Variants in INPP5A observed in about 807,000 individuals in gnomAD.
INPP5A encodes inositol polyphosphate-5-phosphatase A, also known as 43 kDa inositol polyphosphate 5-phophatase.
Under a neutral mutation model 65.2 loss-of-function variants are expected in INPP5A, and 14 were observed. The ratio of observed to expected loss-of-function variants is 0.21; its 90% CI spans 0.14 to 0.34. The LOEUF is 0.34. Among genes scored for constraint, INPP5A ranks in the 10% least tolerant of loss-of-function variants. INPP5A has a pLI of 1.00. For missense variants in INPP5A, 431 were observed against 545.6 expected (o/e 0.79, Z 2.09); for synonymous variants, 207 against 208.3 (o/e 0.99, Z 0.05).
Position 132,555,989 on chromosome 10 carries a change from G to A in INPP5A, c.75+17818G>A, listed in dbSNP as rs535270674. Among the ~76,000 whole-genome samples, 2 of 151,950 alleles carry A rather than the reference G, an allele frequency of 1.3e-5. No individual in the cohort carries two copies. The highest frequency in any genetic ancestry group is 2.9e-5 in the Non-Finnish European group (2 of 67,996). Reference sequence around the variant, plus strand: ...GGAGAAAATTCAGTTCCAGACTTGGGTGGAACCTGAGTTGGGGTCTGCCGT... The same window carrying A: ...GGAGAAAATTCAGTTCCAGACTTGGATGGAACCTGAGTTGGGGTCTGCCGT... On this transcript the variant is annotated intron_variant, in intron 1 of 15. Coordinates refer to ENST00000368594, the MANE Select transcript of INPP5A (RefSeq NM_005539.5). The surrounding 1 kb of genome is among the most constrained non-coding windows in gnomAD (Gnocchi z 4.4).
chr10:132,552,185 G>A (rs1480282023), intron 1 of INPP5A, among the ~76,000 whole-genome samples: 12 of 146,656 alleles, frequency 8.2e-5, no homozygotes, highest in South Asian at 2.3e-4. Flanking sequence ...ATTGGTGAAT[G>A]CCTTCTCAGA....
intron 4 of INPP5A, among the ~76,000 whole-genome samples, chr10:132,665,990 G>A (rs2072796251): frequency 6.6e-6 from 1 of 151,738 alleles, no homozygotes; most frequent in Non-Finnish European, 1.5e-5. Context: ...GGGAGGTGGA[G>A]GTAGCAGTGA....
intron 4 of INPP5A, among the ~76,000 whole-genome samples, chr10:132,681,266 G>A (rs1590920874): frequency 6.6e-6 from 1 of 152,202 alleles, no homozygotes; most frequent in Non-Finnish European, 1.5e-5. Context: ...AGCTGCCCGA[G>A]CCAGCAGTGG....
rs533444730 is a variant in INPP5A at position 132,551,814 on chromosome 10, A to G, written c.75+13643A>G. On this transcript the variant is annotated intron_variant, in intron 1 of 15. Coordinates refer to ENST00000368594, the MANE Select transcript of INPP5A (RefSeq NM_005539.5). The surrounding 1 kb of genome is among the most constrained non-coding windows in gnomAD (Gnocchi z 5.3). ...GGCAGGACTGACCAAGACTGTCAGAAGAGCCAGCCGGGGTCTTCTCTGAAT... is the reference window on the plus strand; with the variant it reads ...GGCAGGACTGACCAAGACTGTCAGAGGAGCCAGCCGGGGTCTTCTCTGAAT... 6.6e-6 allele frequency among the ~76,000 whole-genome samples: 1 copy of G among 152,334 alleles called. No homozygotes were observed. The highest frequency in any genetic ancestry group is 1.9e-4 in the East Asian group (1 of 5,178).
At chr10:132,657,989 C>T (rs1035054387) in intron 4 of INPP5A, among the ~76,000 whole-genome samples, 7 of 152,224 alleles carry the variant, frequency 4.6e-5, no homozygotes, top group Non-Finnish European at 1.0e-4. Context: ...TCCCGTGGGA[C>T]GCGATGATGT....
intron 2 of INPP5A, among the ~76,000 whole-genome samples, chr10:132,643,710 G>T (rs2072456722): frequency 6.6e-6 from 1 of 152,136 alleles, no homozygotes; most frequent in Non-Finnish European, 1.5e-5. Context: ...GTGCATTCGA[G>T]GTGCTGTGAC....
intron 1 of INPP5A, among the ~76,000 whole-genome samples, chr10:132,571,419 T>G (rs1340164801): frequency 6.6e-6 from 1 of 152,230 alleles, no homozygotes; most frequent in Non-Finnish European, 1.5e-5. Context: ...GGGAAGGGCT[T>G]CTTTCAGTTC....
At position 132,690,469 on chromosome 10, in the gene INPP5A, C is replaced by T. The variant is rs1446022406; in HGVS notation, c.370+14C>T. On this transcript the variant is annotated intron_variant, in intron 5 of 15. Transcript: ENST00000368594. ...TTGACTTTAAAGGTAAGACTGCGTGCCGTCTTCCGGGATTTTGTCTCGGCA... is the reference window on the plus strand; with the variant it reads ...TTGACTTTAAAGGTAAGACTGCGTGTCGTCTTCCGGGATTTTGTCTCGGCA... 1.2e-6 allele frequency: 2 copies of T among 1,600,632 alleles called. No homozygotes were observed. The highest frequency in any genetic ancestry group is 1.7e-5 in the Admixed American group (1 of 59,984).
chr10:132,774,920 GGA>G (rs1322251281), intron 12 of INPP5A, among the ~76,000 whole-genome samples: 2 of 36,364 alleles, frequency 5.5e-5, no homozygotes, highest in African/African-American at 9.2e-5. Flanking sequence ...GGGGCACGGA[GGA>G]GAGAGGGGTA....
rs1257544808 is a variant in INPP5A at position 132,717,596 on chromosome 10, T to C, written c.647+7140T>C. Among the ~76,000 whole-genome samples, 5 of 151,136 alleles carry C rather than the reference T, an allele frequency of 3.3e-5. 1 individual carries two copies. The highest frequency in any genetic ancestry group is 5.9e-5 in the Non-Finnish European group (4 of 67,988). ...CCTTAGACGGCTGTCTTGTGGGTTC[T>C]GTGGTACCTGGGTTCTTTCTGGGGG... On this transcript the variant is annotated intron_variant, in intron 8 of 15. Coordinates refer to ENST00000368594, the MANE Select transcript of INPP5A (RefSeq NM_005539.5).
Position 132,690,373 on chromosome 10 carries a change from TTC to T in INPP5A, c.307-15_307-14del, listed in dbSNP as rs752430455. The T allele has an allele frequency of 2.6e-6, 4 of 1,534,106 alleles. No homozygotes were observed. In the Admixed American group the frequency reaches 6.8e-5, roughly 26 times the overall value. On this transcript the variant is annotated splice_polypyrimidine_tract_variant and intron_variant, in intron 4 of 15. Transcript: ENST00000368594. ...TCCCAGCACCAGTCTCTCATTTGAT[TTC>T]TCTTTTTGCTCTACAGGCACTAGGA... is the stretch of plus-strand genomic sequence containing the variant.
At chr10:132,690,914 T>C (rs932452432) in intron 5 of INPP5A, among the ~76,000 whole-genome samples, 8 of 152,288 alleles carry the variant, frequency 5.3e-5, no homozygotes, top group South Asian at 2.1e-4. Flanking sequence ...TTCATTTCTT[T>C]GTCGGGGGCA....
At chr10:132,569,408 A>T (rs2071310254) in intron 1 of INPP5A, among the ~76,000 whole-genome samples, 1 of 152,084 alleles carries the variant, frequency 6.6e-6, no homozygotes, top group Non-Finnish European at 1.5e-5. Flanking sequence ...GCTGGAGTGC[A>T]GTGGTGGGAT....
chr10:132,687,576 C>G (rs1024724539), intron 4 of INPP5A, among the ~76,000 whole-genome samples: 1 of 152,354 alleles, frequency 6.6e-6, no homozygotes, highest in East Asian at 1.9e-4. Context: ...GCGTCCCCCT[C>G]GGGTATCCTT....
At position 132,587,158 on chromosome 10, in the gene INPP5A, CAA is replaced by C. The variant is rs551629682; in HGVS notation, c.76-20756_76-20755del. Among the ~76,000 whole-genome samples the C allele has an allele frequency of 4.6e-3, 698 of 152,296 alleles. 6 individuals carry two copies. The highest frequency in any genetic ancestry group is 6.1e-3 in the Non-Finnish European group (414 of 68,024). On this transcript the variant is annotated intron_variant, in intron 1 of 15. Transcript: ENST00000368594. This position sits in a 1 kb window ranked among gnomAD's most constrained non-coding sequence, Gnocchi z 4.3. ...AAATAATACAAACACATTTAAAAAA[CAA>C]GAGAGCCAGTGTGAAAACAGTAGGC... is the stretch of plus-strand genomic sequence containing the variant.
chr10:132,754,523 C>A (rs1368109179), intron 11 of INPP5A, among the ~76,000 whole-genome samples: 1 of 152,264 alleles, frequency 6.6e-6, no homozygotes, highest in African/African-American at 2.4e-5. Flanking sequence ...GGGGCCCTCA[C>A]CCCTCCACCC....
At chr10:132,718,655 T>TG (rs1845793463) in intron 8 of INPP5A, among the ~76,000 whole-genome samples, 1 of 99,252 alleles carries the variant, frequency 1.0e-5, no homozygotes, top group Non-Finnish European at 2.1e-5. Context: ...GCGCCTTAGA[T>TG]GCTGTCTTCA....
In INPP5A at chr10:132,546,541, T is replaced by TC. The variant is rs2070974424; in HGVS notation, c.75+8375dup. Among the ~76,000 whole-genome samples, 1 of 151,868 alleles carries TC rather than the reference T, an allele frequency of 6.6e-6. No homozygotes were observed. The highest frequency in any genetic ancestry group is 1.5e-5 in the Non-Finnish European group (1 of 67,948). On this transcript the variant is annotated intron_variant, in intron 1 of 15. Transcript: ENST00000368594. The surrounding 1 kb of genome is among the most constrained non-coding windows in gnomAD (Gnocchi z 5.7). ...TGGTTGCTGTGTCGGGGGGCCGTGCTCCCCCTTCTCTCTTGGAAGGTGTAA... is the reference window on the plus strand; with the variant it reads ...TGGTTGCTGTGTCGGGGGGCCGTGCTCCCCCCTTCTCTCTTGGAAGGTGTAA...
At chr10:132,602,118 A>C (rs2071783856) in intron 1 of INPP5A, among the ~76,000 whole-genome samples, 1 of 152,198 alleles carries the variant, frequency 6.6e-6, no homozygotes, top group Non-Finnish European at 1.5e-5. Context: ...GGATATCTGA[A>C]TTTCTTTCAG....
Sources: allele counts gnomAD v4.1 joint callset (sites outside exome capture counted in the v4.1 genomes callset), GRCh38; gene constraint gnomAD v4.1.1; non-coding constraint Gnocchi (gnomAD v3.1); transcripts MANE v1.5; gene names NCBI Gene and HGNC (gene_info 2026-07-23, HGNC 2026-07-21).